Variants in CNTNAP3B observed in about 807,000 individuals in gnomAD.
CNTNAP3B encodes contactin-associated protein-like 3B.
Under a neutral mutation model 108.9 loss-of-function variants are expected in CNTNAP3B, and 25 were observed. That is an observed-to-expected ratio of 0.23 (90% CI 0.17 to 0.32). The LOEUF is 0.32. Among genes scored for constraint, CNTNAP3B ranks in the 10% least tolerant of loss-of-function variants. The pLI is 1.00. For synonymous variants in CNTNAP3B, 103 were observed against 473.4 expected (o/e 0.22, Z 10.16); for missense variants, 252 against 1,210.4 (o/e 0.21, Z 11.75).
At chr9:41,939,790 A>T (rs1824278048) in intron 13 of CNTNAP3B, among the ~76,000 whole-genome samples, 1 of 152,268 alleles carries the variant, frequency 6.6e-6, no homozygotes, top group Admixed American at 6.5e-5. Context: ...TAGAAACAGT[A>T]ACAAAAAGAT....
intron 9 of CNTNAP3B, among the ~76,000 whole-genome samples, chr9:41,982,063 C>CAAAAA (rs541712479): frequency 9.4e-5 from 4 of 42,426 alleles, no homozygotes; most frequent in Non-Finnish European, 1.5e-4. Context: ...TCTAAAGTCT[C>CAAAAA]AAAAAAAAAA....
chr9:41,960,957 A>T (rs1587149783), intron 11 of CNTNAP3B, 65 bp from the exon 12 acceptor site: 2 of 1,545,254 alleles, frequency 1.3e-6, no homozygotes, highest in East Asian at 4.5e-5. Context: ...CAGTGTCCAA[A>T]GGTTTGCATT....
rs1226662747 is a variant in CNTNAP3B at position 42,095,864 on chromosome 9, A to T, written c.196+8765T>A. On this transcript the variant is annotated intron_variant, in intron 2 of 23. Coordinates refer to ENST00000377561, the MANE Select transcript of CNTNAP3B (RefSeq NM_001201380.3). ...ATTGCCTTGGTAAAGCGGGGAGGGG[A>T]GTGTGTTCAAGCCCCAAGTAGAGGT... is the stretch of plus-strand genomic sequence containing the variant. Among the ~76,000 whole-genome samples, 102 of 136,402 alleles carry T rather than the reference A, an allele frequency of 7.5e-4. 22 individuals are homozygous for T. Among genetic ancestry groups the T allele is most frequent in the African/African-American group, 2.8e-3 (96 of 33,922 alleles). The allele number at this position is 136,402 out of a possible 152,430, so 89.5% of individuals were successfully genotyped here.
intron 8 of CNTNAP3B, among the ~76,000 whole-genome samples, chr9:41,991,202 G>A (rs1343050830): frequency 1.0e-5 from 1 of 95,654 alleles, no homozygotes; most frequent in Non-Finnish European, 2.2e-5. Context: ...TGACTACTGT[G>A]TATAGAATAT....
At chr9:41,924,645 G>GCACA (rs200851620) in intron 15 of CNTNAP3B, among the ~76,000 whole-genome samples, 750 of 134,752 alleles carry the variant, frequency 5.6e-3, no homozygotes, top group East Asian at 9.9e-3. Flanking sequence ...TTTCCTTCCT[G>GCACA]CACACACACA....
At chr9:41,966,504 G>T (rs1253603027) in intron 10 of CNTNAP3B, among the ~76,000 whole-genome samples, 1 of 152,240 alleles carries the variant, frequency 6.6e-6, no homozygotes, top group African/African-American at 2.4e-5. Flanking sequence ...GCAGGAGTGG[G>T]GTCAGCAGCC....
chr9:41,929,868 A>G (rs1408212708), intron 14 of CNTNAP3B, among the ~76,000 whole-genome samples: 1 of 151,864 alleles, frequency 6.6e-6, no homozygotes. Context: ...AAAATAGACT[A>G]GTGGTCTGGA....
chr9:41,990,556 T>A (rs1825787040), intron 8 of CNTNAP3B, among the ~76,000 whole-genome samples: 2 of 120,556 alleles, frequency 1.7e-5, no homozygotes, highest in Non-Finnish European at 3.4e-5. Flanking sequence ...AGCAGTATAG[T>A]CACATGTGCC....
intron 1 of CNTNAP3B, among the ~76,000 whole-genome samples, chr9:42,121,514 C>T (rs1316295220): frequency 7.2e-6 from 1 of 138,068 alleles, no homozygotes; most frequent in Non-Finnish European, 1.5e-5. Context: ...ATCTGCCTAG[C>T]CTGCCAAAAC....
Position 41,973,958 on chromosome 9 carries a change from C to A in CNTNAP3B, c.1478-3713G>T, listed in dbSNP as rs1285072413. 1.5e-5 allele frequency among the ~76,000 whole-genome samples: 2 copies of A among 136,410 alleles called. 1 individual carries two copies. The highest frequency in any genetic ancestry group is 5.9e-5 in the African/African-American group (2 of 33,944). The allele number at this position is 136,410 out of a possible 152,430, so 89.5% of individuals were successfully genotyped here. On this transcript the variant is annotated intron_variant, in intron 9 of 23. Coordinates refer to ENST00000377561, the MANE Select transcript of CNTNAP3B (RefSeq NM_001201380.3). ...CTTCCAGGTTCAAGGAATTCTCCTG[C>A]CTCAGCCTACCCAGTAGCTGGGACT...
At chr9:41,960,953 C>G (rs1301573118) in intron 11 of CNTNAP3B, 61 bp from the exon 12 acceptor site, 1 of 1,556,432 alleles carries the variant, frequency 6.4e-7, no homozygotes, top group Non-Finnish European at 8.6e-7. Flanking sequence ...GAGTCAGTGT[C>G]CAAAGGTTTG....
chr9:41,924,645 GCACACACACACACACA>G (rs200851620), intron 15 of CNTNAP3B, among the ~76,000 whole-genome samples: 17 of 135,156 alleles, frequency 1.3e-4, no homozygotes, highest in African/African-American at 3.3e-4. Flanking sequence ...TTTCCTTCCT[GCACACACACACACACA>G]CACACACACA....
chr9:41,954,771 C>T (rs1482148979), intron 12 of CNTNAP3B, among the ~76,000 whole-genome samples: 2 of 152,260 alleles, frequency 1.3e-5, no homozygotes, highest in East Asian at 1.9e-4. Flanking sequence ...GCAGCCTCTG[C>T]CTCCTGGGTT....
intron 3 of CNTNAP3B, among the ~76,000 whole-genome samples, chr9:42,024,919 T>C (rs1207277099): frequency 5.6e-5 from 8 of 143,378 alleles, no homozygotes; most frequent in Non-Finnish European, 3.0e-5. Flanking sequence ...TTTCTGAATA[T>C]CCTGGTTTCT....
chr9:41,940,395 T>C (rs1395852111), intron 13 of CNTNAP3B, among the ~76,000 whole-genome samples: 3 of 152,302 alleles, frequency 2.0e-5, no homozygotes, highest in East Asian at 1.9e-4. Context: ...ATTTGAATGA[T>C]AGTAGATTAC....
chr9:41,944,836 T>A (rs1019401180), intron 13 of CNTNAP3B, among the ~76,000 whole-genome samples: 3 of 152,288 alleles, frequency 2.0e-5, no homozygotes, highest in African/African-American at 7.2e-5. Flanking sequence ...ACAGGCAACC[T>A]ATAGAATGGG....
In CNTNAP3B at chr9:42,002,883, T is replaced by C. The variant is rs1420287583; in HGVS notation, c.539-4279A>G. 2.3e-5 allele frequency among the ~76,000 whole-genome samples: 3 copies of C among 132,856 alleles called. 1 individual carries two copies. The highest frequency in any genetic ancestry group is 9.1e-5 in the African/African-American group (3 of 32,914). The allele number at this position is 132,856 out of a possible 152,430, so 87.2% of individuals were successfully genotyped here. A position where few individuals can be genotyped will look rare whatever the true frequency, so the allele number is the denominator to read the frequency against. Reference sequence around the variant, plus strand: ...CTTTATTTCCTTACGCCATATTTTATCTTCACATTTTACTTTTATTAGAAA... The same window carrying C: ...CTTTATTTCCTTACGCCATATTTTACCTTCACATTTTACTTTTATTAGAAA... On this transcript the variant is annotated intron_variant, in intron 4 of 23. Transcript: ENST00000377561.
intron 12 of CNTNAP3B, among the ~76,000 whole-genome samples, chr9:41,955,869 G>A (rs1350608198): frequency 6.6e-6 from 1 of 152,260 alleles, no homozygotes; most frequent in Non-Finnish European, 1.5e-5. Flanking sequence ...CTCAATTTAT[G>A]ATGAAGTTGC....
rs771114058 is a variant in CNTNAP3B, at chr9:42,077,078, A to T, written c.197-16T>A. ...CCACCAGCTCCTTTTTTGAAACAGA[A>T]AAAGTATAAAAATGGTAGAGGAGGA... On this transcript the variant is annotated splice_polypyrimidine_tract_variant and intron_variant, in intron 2 of 23. Coordinates refer to ENST00000377561, the MANE Select transcript of CNTNAP3B (RefSeq NM_001201380.3). The T allele has an allele frequency of 3.2e-6, 5 of 1,539,114 alleles. 1 individual carries two copies. In the African/African-American group the frequency reaches 7.8e-5, roughly 24 times the overall value.
Sources: allele counts gnomAD v4.1 joint callset (sites outside exome capture counted in the v4.1 genomes callset), GRCh38; gene constraint gnomAD v4.1.1; transcripts MANE v1.5; gene names NCBI Gene and HGNC (gene_info 2026-07-23, HGNC 2026-07-21).